Variants in CACNA1C observed in about 807,000 individuals in gnomAD.
CACNA1C encodes the protein voltage-dependent L-type calcium channel subunit alpha-1C.
In CACNA1C, 30 loss-of-function variants were observed where a neutral mutation model predicts 229.0. The observed-to-expected ratio is 0.13, with a 90% confidence interval of 0.10 to 0.18. CACNA1C has a LOEUF of 0.18. CACNA1C is among the 10% of genes least tolerant of loss of function. The pLI is 1.00. For missense variants in CACNA1C, 1,658 were observed against 2,845.0 expected (o/e 0.58, Z 9.49); for synonymous variants, 1,114 against 1,132.5 (o/e 0.98, Z 0.33).
rs1022924793 is a variant in CACNA1C, at chr12:2,647,311, G to A, written c.3913-1164G>A. On this transcript the variant is annotated intron_variant, in intron 30 of 46. Coordinates refer to ENST00000399655, the MANE Select transcript of CACNA1C (RefSeq NM_000719.7). This position sits in a 1 kb window ranked among gnomAD's most constrained non-coding sequence, Gnocchi z 4.2. ...AGCCCTCTGTGCTGGAGCCCAAAAC[G>A]TAAGGGCACCTTCCCAGATCCAGGC... Among the ~76,000 whole-genome samples, 26 of 152,198 alleles carry A rather than the reference G, an allele frequency of 1.7e-4. No homozygotes were observed. Among genetic ancestry groups the A allele is most frequent in the African/African-American group, 5.1e-4 (21 of 41,454 alleles).
chr12:2,348,074 G>T lies in CACNA1C; in HGVS notation c.478-100902G>T, dbSNP rs1356215069. ...CCTGAGGAAGCTTGTCCTAGAAACT[G>T]CAGTGAGGTGACTGTGCGGCAGGCC... On this transcript the variant is annotated intron_variant, in intron 3 of 46. Transcript: ENST00000399655. This position sits in a 1 kb window ranked among gnomAD's most constrained non-coding sequence, Gnocchi z 4.7. Among the ~76,000 whole-genome samples, 6 of 152,248 alleles carry T rather than the reference G, an allele frequency of 3.9e-5. No individual in the cohort carries two copies. The highest frequency in any genetic ancestry group is 7.3e-5 in the Non-Finnish European group (5 of 68,030).
intron 1 of CACNA1C, among the ~76,000 whole-genome samples, chr12:2,037,490 T>C (rs1409813381): frequency 6.6e-6 from 1 of 152,188 alleles, no homozygotes; most frequent in African/African-American, 2.4e-5. Context: ...TAAAAGGCAT[T>C]GGGTACACCA....
chr12:2,289,220 T>G (rs1440611008), intron 3 of CACNA1C, among the ~76,000 whole-genome samples: 1 of 152,074 alleles, frequency 6.6e-6, no homozygotes, highest in African/African-American at 2.4e-5. Flanking sequence ...TCGAGGCACA[T>G]GCCAAAAAGG....
Position 1,992,922 on chromosome 12 carries a change from C to G in CACNA1C, c.139+21721C>G, listed in dbSNP as rs547552536. 1.6e-5 allele frequency: 9 copies of G among 546,172 alleles called. No individual in the cohort carries two copies. The East Asian group carries it at 1.8e-4, about 11-fold the overall frequency. The allele number at this position is 546,172 out of a possible 1,614,324, so 33.8% of individuals were successfully genotyped here. ...ACTCGTTAATTCTTCGTTCAGGGAG[C>G]CACCTATGTGTGTGTCTCTGCAGTC... On this transcript the variant is annotated intron_variant, in intron 1 of 46. Coordinates refer to the CACNA1C transcript ENST00000682462.
chr12:2,120,236 A>G (rs980410831), intron 2 of CACNA1C, 89 bp from the exon 3 acceptor site: 2 of 791,966 alleles, frequency 2.5e-6, no homozygotes, highest in Non-Finnish European at 2.3e-6. Flanking sequence ...AATTCTTATG[A>G]ATCTTTGATT....
At chr12:2,503,290 T>G (rs943177995) in intron 7 of CACNA1C, among the ~76,000 whole-genome samples, 4 of 152,220 alleles carry the variant, frequency 2.6e-5, no homozygotes, top group Non-Finnish European at 4.4e-5. Context: ...GCCATTGATG[T>G]GAATCATTCA....
chr12:2,155,448 T>C (rs1203445348), intron 3 of CACNA1C, among the ~76,000 whole-genome samples: 2 of 152,250 alleles, frequency 1.3e-5, no homozygotes, highest in Non-Finnish European at 2.9e-5. Context: ...TAAGGACTTT[T>C]TCAGAATTCC....
At chr12:2,074,768 C>T (rs1324865281) in intron 1 of CACNA1C, among the ~76,000 whole-genome samples, 1 of 152,160 alleles carries the variant, frequency 6.6e-6, no homozygotes, top group Admixed American at 6.5e-5. Flanking sequence ...ATGAAAATAG[C>T]CCATAGCCAT....
At chr12:2,272,811 AT>A (rs2085706924) in intron 3 of CACNA1C, among the ~76,000 whole-genome samples, 1 of 152,220 alleles carries the variant, frequency 6.6e-6, no homozygotes, top group Non-Finnish European at 1.5e-5. Flanking sequence ...GCTACGTTAC[AT>A]TTATCCGTTC....
intron 3 of CACNA1C, among the ~76,000 whole-genome samples, chr12:2,431,214 G>T (rs1363340741): frequency 6.6e-6 from 1 of 152,192 alleles, no homozygotes. Context: ...AGCAGGTCTG[G>T]AGTGGGGGCC....
chr12:2,256,418 G>T, intron 3 of CACNA1C, among the ~76,000 whole-genome samples: 1 of 152,150 alleles, frequency 6.6e-6, no homozygotes, highest in South Asian at 2.1e-4. Context: ...CCCTTATTCT[G>T]ATGGTATAGA....
At chr12:2,314,610 G>T (rs1329822621) in intron 3 of CACNA1C, among the ~76,000 whole-genome samples, 1 of 152,094 alleles carries the variant, frequency 6.6e-6, no homozygotes, top group Non-Finnish European at 1.5e-5. Flanking sequence ...TTTTTGTCTA[G>T]ATTTCTTGAC....
chr12:2,383,970 C>G (rs1479635603), intron 3 of CACNA1C, among the ~76,000 whole-genome samples: 1 of 152,240 alleles, frequency 6.6e-6, no homozygotes, highest in Non-Finnish European at 1.5e-5. Flanking sequence ...GCAGGGAAAT[C>G]ACAGATCCTC....
chr12:2,470,425 A>C (rs1408646292), intron 5 of CACNA1C, among the ~76,000 whole-genome samples: 2 of 152,226 alleles, frequency 1.3e-5, no homozygotes, highest in African/African-American at 4.8e-5. Flanking sequence ...TGAGGGGGGA[A>C]TGAAATGAAG....
rs146393707 is a variant in CACNA1C at position 2,068,163 on chromosome 12, G to C, written c.49+14552G>C. On this transcript the variant is annotated intron_variant, in intron 1 of 46. Transcript: ENST00000399655. ...TGATATCCTGAATGTTTCATGAAAG[G>C]ATGTGAGTCTTTGATGCCAAGGACA... Among the ~76,000 whole-genome samples, 337 of 152,302 alleles carry C rather than the reference G, an allele frequency of 2.2e-3. 1 individual carries two copies. The highest frequency in any genetic ancestry group is 3.8e-3 in the Admixed American group (58 of 15,304).
At chr12:2,579,359 G>A (rs1031025314) in intron 13 of CACNA1C, among the ~76,000 whole-genome samples, 14 of 152,198 alleles carry the variant, frequency 9.2e-5, no homozygotes, top group African/African-American at 3.4e-4. Context: ...TCTTCCCTCG[G>A]ATACAGCTGG....
chr12:2,346,660 G>A lies in CACNA1C; in HGVS notation c.478-102316G>A, dbSNP rs143763699. Among the ~76,000 whole-genome samples the A allele has an allele frequency of 8.3e-4, 126 of 152,240 alleles. No homozygotes were observed. Among genetic ancestry groups the A allele is most frequent in the East Asian group, 4.0e-3 (21 of 5,194 alleles). On this transcript the variant is annotated intron_variant, in intron 3 of 46. Transcript: ENST00000399655. The surrounding 1 kb of genome is among the most constrained non-coding windows in gnomAD (Gnocchi z 4.4). ...CTGGAGAATGACTGCATCGTCCACCGTGATGAAGTACAGGCTTTGCCAGGG... is the reference window on the plus strand; with the variant it reads ...CTGGAGAATGACTGCATCGTCCACCATGATGAAGTACAGGCTTTGCCAGGG...
rs933713851 is a variant in CACNA1C, at chr12:2,067,486, G to A, written c.49+13875G>A. Reference sequence around the variant, plus strand: ...TGTGTGTGTGTGTGTGTGTGTGCGCGCGTGTGCGTGCCTGTATGTAAGGGC... The same window carrying A: ...TGTGTGTGTGTGTGTGTGTGTGCGCACGTGTGCGTGCCTGTATGTAAGGGC... On this transcript the variant is annotated intron_variant, in intron 1 of 46. Transcript: ENST00000399655. This position sits in a 1 kb window ranked among gnomAD's most constrained non-coding sequence, Gnocchi z 5.3. 6.6e-6 allele frequency among the ~76,000 whole-genome samples: 1 copy of A among 151,378 alleles called. No homozygotes were observed. The highest frequency in any genetic ancestry group is 2.4e-5 in the African/African-American group (1 of 41,196).
chr12:2,576,790 G>GACCT (rs1347662979), intron 13 of CACNA1C, among the ~76,000 whole-genome samples: 1 of 152,016 alleles, frequency 6.6e-6, no homozygotes, highest in East Asian at 1.9e-4. Flanking sequence ...GCTGCCACCT[G>GACCT]GACACCTCCA....
Sources: gnomAD v4.1 joint callset for allele counts (sites outside exome capture counted in the v4.1 genomes callset) on GRCh38, gnomAD v4.1.1 for gene constraint, Gnocchi (gnomAD v3.1) non-coding constraint, MANE v1.5 for transcripts, NCBI Gene and HGNC (gene_info 2026-07-23, HGNC 2026-07-21) for gene names.